GABRG3: variants seen among roughly 807,000 people sequenced by gnomAD.
GABRG3 encodes gamma-aminobutyric acid receptor subunit gamma-3.
In GABRG3, 25 loss-of-function variants were observed where a neutral mutation model predicts 48.8. That is an observed-to-expected ratio of 0.51 (90% CI 0.37 to 0.72). The LOEUF (loss-of-function observed/expected upper bound fraction) is 0.72, where lower values mean the gene tolerates loss of function less well. Among genes scored for constraint, GABRG3 ranks in the 30% least tolerant of loss-of-function variants. The pLI, the probability that GABRG3 is intolerant of heterozygous loss-of-function variation, is 0.00. For missense variants in GABRG3, 394 were observed against 577.9 expected (o/e 0.68, Z 3.26); for synonymous variants, 227 against 217.6 (o/e 1.04, Z -0.38).
intron 3 of GABRG3, among the ~76,000 whole-genome samples, chr15:27,252,968 AAAG>A (rs1223245281): frequency 2.0e-5 from 3 of 152,338 alleles, no homozygotes; most frequent in African/African-American, 7.2e-5. Flanking sequence ...TTTGACCAAA[AAAG>A]AGCCTTGGCC....
At chr15:27,038,578 G>T (rs2140695432) in intron 3 of GABRG3, among the ~76,000 whole-genome samples, 1 of 152,312 alleles carries the variant, frequency 6.6e-6, no homozygotes, top group Non-Finnish European at 1.5e-5. Flanking sequence ...CCTGTGTTAG[G>T]GTTGGCAGAG....
intron 3 of GABRG3, among the ~76,000 whole-genome samples, chr15:27,212,197 G>A (rs910786747): frequency 6.6e-6 from 1 of 152,242 alleles, no homozygotes; most frequent in African/African-American, 2.4e-5. Context: ...GGGAAGACAA[G>A]TGATTACGGA....
intron 3 of GABRG3, among the ~76,000 whole-genome samples, chr15:27,187,579 T>G (rs1888138110): frequency 6.6e-6 from 1 of 152,158 alleles, no homozygotes; most frequent in African/African-American, 2.4e-5. Flanking sequence ...ATCTTTGATT[T>G]CTTTCATCAA....
chr15:27,401,274 C>T (rs922491394), intron 5 of GABRG3, among the ~76,000 whole-genome samples: 1 of 152,088 alleles, frequency 6.6e-6, no homozygotes, highest in South Asian at 2.1e-4. Flanking sequence ...GTAGGATTAT[C>T]GTTTACATCA....
chr15:27,036,214 C>T (rs1290666382), intron 3 of GABRG3, among the ~76,000 whole-genome samples: 1 of 152,154 alleles, frequency 6.6e-6, no homozygotes, highest in Non-Finnish European at 1.5e-5. Context: ...GTGGCCACCC[C>T]GTGAAGGTTT....
intron 3 of GABRG3, among the ~76,000 whole-genome samples, chr15:27,231,905 C>A (rs1216388759): frequency 3.3e-5 from 5 of 152,014 alleles, no homozygotes; most frequent in Non-Finnish European, 5.9e-5. Flanking sequence ...CTGATCTAAA[C>A]CATAGATGGA....
At chr15:27,277,170 C>T (rs1286996338) in intron 3 of GABRG3, among the ~76,000 whole-genome samples, 1 of 152,180 alleles carries the variant, frequency 6.6e-6, no homozygotes, top group East Asian at 1.9e-4. Context: ...AGGCTGGCAA[C>T]AGAGAGACAT....
At chr15:27,503,252 A>G (rs1201872285) in intron 6 of GABRG3, among the ~76,000 whole-genome samples, 1 of 152,224 alleles carries the variant, frequency 6.6e-6, no homozygotes, top group Non-Finnish European at 1.5e-5. Flanking sequence ...AATGGGGATG[A>G]AGCCAAATAT....
Position 27,446,391 on chromosome 15 carries a change from C to T in GABRG3, c.575-34259C>T, listed in dbSNP as rs186394274. Reference sequence around the variant, plus strand: ...TTAATGTCCTAACACCAGACCGACCCCTGAAATATCTTAGGAAACACAAGT... The same window carrying T: ...TTAATGTCCTAACACCAGACCGACCTCTGAAATATCTTAGGAAACACAAGT... On this transcript the variant is annotated intron_variant, in intron 5 of 9. Transcript: ENST00000615808. Among the ~76,000 whole-genome samples, 6 of 152,202 alleles carry T rather than the reference C, an allele frequency of 3.9e-5. No individual in the cohort carries two copies. In the East Asian group the frequency reaches 1.2e-3, roughly 29 times the overall value.
chr15:27,316,739 T>C (rs527510590), intron 3 of GABRG3, among the ~76,000 whole-genome samples: 1 of 152,322 alleles, frequency 6.6e-6, no homozygotes, highest in African/African-American at 2.4e-5. Context: ...CTGTCAAGGC[T>C]ATGGCTGTGA....
rs777606546 is a variant in GABRG3, at chr15:27,520,064, G to A, written c.805G>A (p.Val269Ile). 6.2e-7 allele frequency: 1 copy of A among 1,603,554 alleles called. No individual in the cohort carries two copies. ...ATACATTCCCTGTATACTGACTGTG[G>A]TTTTATCCTGGGTGTCATTTTGGAT... ...QTYIPCILTV[V>I]LSWVSFWIKK... The change falls in exon 7 of 10, where the codon GTT (valine) becomes ATT (isoleucine). Residue 269 changes from valine to isoleucine, a missense_variant. By Grantham distance (29) the Val-to-Ile change is conservative (BLOSUM62 3). Coordinates refer to ENST00000615808, the MANE Select transcript of GABRG3 (RefSeq NM_033223.5).
chr15:27,286,054 C>T (rs528725123), intron 3 of GABRG3, among the ~76,000 whole-genome samples: 1 of 152,210 alleles, frequency 6.6e-6, no homozygotes, highest in African/African-American at 2.4e-5. Flanking sequence ...TCATGGGGAT[C>T]GATCACAGAA....
intron 5 of GABRG3, among the ~76,000 whole-genome samples, chr15:27,351,964 ATGTC>A (rs937541164): frequency 4.5e-5 from 6 of 131,932 alleles, no homozygotes; most frequent in African/African-American, 1.2e-4. Context: ...TGTATGGTGT[ATGTC>A]TGTATAATGT....
intron 3 of GABRG3, among the ~76,000 whole-genome samples, chr15:27,256,007 C>T (rs1303326682): frequency 6.6e-6 from 1 of 152,130 alleles, no homozygotes; most frequent in Non-Finnish European, 1.5e-5. Context: ...TTTTACATGG[C>T]AAAAGAGATT....
intron 3 of GABRG3, among the ~76,000 whole-genome samples, chr15:27,149,016 T>G (rs1898260869): frequency 6.6e-6 from 1 of 152,034 alleles, no homozygotes; most frequent in Non-Finnish European, 1.5e-5. Flanking sequence ...CTATTAATAA[T>G]TAAAATGATA....
At chr15:27,020,957 T>A (rs1895883380) in intron 2 of GABRG3, among the ~76,000 whole-genome samples, 1 of 152,208 alleles carries the variant, frequency 6.6e-6, no homozygotes, top group South Asian at 2.1e-4. Flanking sequence ...TTATTCTCTT[T>A]CAAAAGTAAG....
chr15:27,122,584 A>G (rs892983423), intron 3 of GABRG3, among the ~76,000 whole-genome samples: 2 of 152,184 alleles, frequency 1.3e-5, no homozygotes, highest in Non-Finnish European at 2.9e-5. Flanking sequence ...TTGAGAGAGA[A>G]AAGCAATGCA....
At chr15:27,235,238 A>G (rs553387026) in intron 3 of GABRG3, among the ~76,000 whole-genome samples, 1 of 152,328 alleles carries the variant, frequency 6.6e-6, no homozygotes, top group Admixed American at 6.5e-5. Flanking sequence ...AACCAGAAAA[A>G]GGTGTAGTCA....
chr15:27,347,648 C>T (rs1358806359), intron 5 of GABRG3, among the ~76,000 whole-genome samples: 1 of 152,172 alleles, frequency 6.6e-6, no homozygotes, highest in African/African-American at 2.4e-5. Context: ...ATCTTTCTTG[C>T]ATTTTCACTT....
Sources: gnomAD v4.1 joint callset for allele counts (sites outside exome capture counted in the v4.1 genomes callset) on GRCh38, gnomAD v4.1.1 for gene constraint, MANE v1.5 for transcripts, NCBI Gene and HGNC (gene_info 2026-07-23, HGNC 2026-07-21) for gene names.